ELP4: variants seen among roughly 807,000 people sequenced by gnomAD.
ELP4 encodes elongator acetyltransferase complex subunit 4.
A neutral mutation model predicts 48.9 loss-of-function variants in ELP4; 51 were observed. The observed-to-expected ratio is 1.04, with a 90% CI of 0.83 to 1.32. The LOEUF is 1.32. Among genes scored for constraint, ELP4 ranks in the 40% most tolerant of loss-of-function variants. The pLI is 0.00. For missense variants in ELP4, 519 were observed against 514.6 expected, an observed-to-expected ratio of 1.01 and a Z score of -0.08; for synonymous variants, 210 against 189.2, an observed-to-expected ratio of 1.11 and a Z score of -0.90.
chr11:31,694,357 G>A (rs60181751), intron 9 of ELP4, among the ~76,000 whole-genome samples: 4,323 of 152,162 alleles, frequency 0.028, 206 homozygotes, highest in African/African-American at 0.099. Context: ...TAAGGAAGGG[G>A]TCCAGTTTCA....
At chr11:31,717,292 G>A (rs1471753616) in intron 9 of ELP4, among the ~76,000 whole-genome samples, 2 of 152,062 alleles carry the variant, frequency 1.3e-5, no homozygotes, top group African/African-American at 2.4e-5. Flanking sequence ...GCAACAAACC[G>A]CAGTCACATT....
chr11:31,520,931 C>T (rs1284393477), intron 2 of ELP4, among the ~76,000 whole-genome samples: 1 of 151,968 alleles, frequency 6.6e-6, no homozygotes, highest in Admixed American at 6.6e-5. Flanking sequence ...GACCTAAATA[C>T]AGTATTCCAA....
At chr11:31,567,133 A>T (rs540189647) in intron 3 of ELP4, among the ~76,000 whole-genome samples, 1 of 151,768 alleles carries the variant, frequency 6.6e-6, no homozygotes, top group African/African-American at 2.4e-5. Context: ...GGGTTTCTCC[A>T]TGTTGGTCAG....
At position 31,603,808 on chromosome 11, in the gene ELP4, A is replaced by G; in HGVS notation, c.554A>G (p.Asp185Gly). The G allele has an allele frequency of 6.2e-7, 1 of 1,611,384 alleles. No homozygotes were observed. Residue 185 changes from aspartate (D) to glycine (G), a missense_variant, in exon 5 of 10, where the codon GAT (aspartate) becomes GGT (glycine). Physicochemically the swap from Asp to Gly is moderately conservative, Grantham distance 94. Transcript: ENST00000640961. ...VSSSRFGHYY[D>G]ASKRMPQELI... The stretch of plus-strand genomic sequence containing the variant: ...TCTTCAAGATTTGGTCACTATTATG[A>G]TGCATCAAAAAGAATGCCACAAGAA...
In ELP4 at chr11:31,790,296, AC is replaced by A; in HGVS notation, c.*6773del. 5.0e-6 allele frequency: 3 copies of A among 605,554 alleles called. No homozygotes were observed. Among genetic ancestry groups the A allele is most frequent in the Non-Finnish European group, 7.5e-6 (3 of 398,378 alleles). 37.5% of individuals were successfully genotyped at this position (605,554 alleles called of 1,614,324 possible). Reference sequence around the variant, plus strand: ...TCCTCTGTTTGTTTGCATGTTTGGAACTTTTACAATAAAGCTGTCTCTGGAA... The same window carrying A: ...TCCTCTGTTTGTTTGCATGTTTGGAATTTTACAATAAAGCTGTCTCTGGAA... On this transcript the variant is annotated 3_prime_UTR_variant, in exon 10 of 10. Transcript: ENST00000640961.
chr11:31,571,006 G>A (rs868206873), intron 3 of ELP4, among the ~76,000 whole-genome samples: 1 of 151,550 alleles, frequency 6.6e-6, no homozygotes, highest in South Asian at 2.1e-4. Flanking sequence ...CACCATATTG[G>A]CCAGGCTGGT....
chr11:31,654,391 T>A (rs1198437969), intron 9 of ELP4: 1 of 151,816 alleles, frequency 6.6e-6, no homozygotes, highest in African/African-American at 2.4e-5. Flanking sequence ...TGTCTTATCA[T>A]ACTTTGTCCC....
chr11:31,591,904 A>G (rs903321370), intron 3 of ELP4, among the ~76,000 whole-genome samples: 1 of 152,244 alleles, frequency 6.6e-6, no homozygotes, highest in Non-Finnish European at 1.5e-5. Flanking sequence ...TACAATGAAT[A>G]GTATTCGACC....
intron 1 of ELP4, 44 bp downstream of exon 1, chr11:31,510,051 A>AG: frequency 6.3e-7 from 1 of 1,576,886 alleles, no homozygotes; most frequent in Non-Finnish European, 8.6e-7. Context: ...GGGGAAACTT[A>AG]GGGAGGGGAC....
In ELP4 at chr11:31,575,038, T is replaced by C. The variant is rs568687892; in HGVS notation, c.382-19732T>C. 6.6e-5 allele frequency among the ~76,000 whole-genome samples: 10 copies of C among 152,202 alleles called. No individual in the cohort carries two copies. The East Asian group carries it at 1.9e-3, about 29-fold the overall frequency. On this transcript the variant is annotated intron_variant, in intron 3 of 9. Coordinates refer to ENST00000640961, the MANE Select transcript of ELP4 (RefSeq NM_019040.5). ...ACCCATCACAAAGAAGCTAAAAACCTTGAAAAAAGATTAGACGAATGGCTA... is the reference window on the plus strand; with the variant it reads ...ACCCATCACAAAGAAGCTAAAAACCCTGAAAAAAGATTAGACGAATGGCTA...
At chr11:31,575,358 A>G (rs1007128561) in intron 3 of ELP4, among the ~76,000 whole-genome samples, 2 of 152,218 alleles carry the variant, frequency 1.3e-5, no homozygotes, top group African/African-American at 4.8e-5. Context: ...CAAGTTGGAA[A>G]ACACTCTGCA....
chr11:31,771,068 T>G (rs1444146315), intron 9 of ELP4, among the ~76,000 whole-genome samples: 7 of 152,174 alleles, frequency 4.6e-5, no homozygotes, highest in Admixed American at 3.9e-4. Flanking sequence ...AGAATTAAAC[T>G]CAGCAAACCA....
intron 2 of ELP4, among the ~76,000 whole-genome samples, chr11:31,534,451 A>G (rs1311953867): frequency 1.3e-5 from 2 of 152,178 alleles, no homozygotes; most frequent in East Asian, 3.9e-4. Flanking sequence ...TTTAGTACCA[A>G]TAAAACCCTA....
rs989010933 is a variant in ELP4 at position 31,790,281 on chromosome 11, G to GA, written c.*6757_*6758insA. Reference sequence around the variant, plus strand: ...AAAAGAAAAAAAAAATCCTCTGTTTGTTTGCATGTTTGGAACTTTTACAAT... The same window carrying GA: ...AAAAGAAAAAAAAAATCCTCTGTTTGATTTGCATGTTTGGAACTTTTACAAT... On this transcript the variant is annotated 3_prime_UTR_variant, in exon 10 of 10. Coordinates refer to ENST00000640961, the MANE Select transcript of ELP4 (RefSeq NM_019040.5). The GA allele has an allele frequency of 1.8e-6, 1 of 555,068 alleles. No individual in the cohort carries two copies. Among genetic ancestry groups the GA allele is most frequent in the Admixed American group, 3.9e-5 (1 of 25,344 alleles). The allele number at this position is 555,068 out of a possible 1,614,324, so 34.4% of individuals were successfully genotyped here. A position where few individuals can be genotyped will look rare whatever the true frequency, so the allele number is the denominator to read the frequency against.
chr11:31,527,902 T>C (rs935026450), intron 2 of ELP4, among the ~76,000 whole-genome samples: 5 of 152,096 alleles, frequency 3.3e-5, no homozygotes, highest in African/African-American at 1.2e-4. Flanking sequence ...TTCTCTCTTC[T>C]CATCCTCTCA....
At chr11:31,764,900 A>T (rs1008160237) in intron 9 of ELP4, among the ~76,000 whole-genome samples, 2 of 152,184 alleles carry the variant, frequency 1.3e-5, no homozygotes, top group Non-Finnish European at 2.9e-5. Context: ...AATCATGTGT[A>T]TTATTCAACG....
At chr11:31,698,736 C>G (rs570069683) in intron 9 of ELP4, among the ~76,000 whole-genome samples, 1 of 152,114 alleles carries the variant, frequency 6.6e-6, no homozygotes, top group Admixed American at 6.6e-5. Context: ...TATATTTTTC[C>G]TATATTTCTA....
At chr11:31,557,941 C>T (rs1956955540) in intron 3 of ELP4, among the ~76,000 whole-genome samples, 1 of 151,982 alleles carries the variant, frequency 6.6e-6, no homozygotes, top group African/African-American at 2.4e-5. Context: ...TATTTTAGCA[C>T]TATATATCTT....
At chr11:31,665,012 T>C (rs1289529293) in intron 9 of ELP4, among the ~76,000 whole-genome samples, 1 of 152,180 alleles carries the variant, frequency 6.6e-6, no homozygotes, top group Non-Finnish European at 1.5e-5. Flanking sequence ...CTTTGATTCA[T>C]CTTTTATGCT....
Sources: gnomAD v4.1 joint callset for allele counts (sites outside exome capture counted in the v4.1 genomes callset) on GRCh38, gnomAD v4.1.1 for gene constraint, MANE v1.5 for transcripts, NCBI Gene and HGNC (gene_info 2026-07-23, HGNC 2026-07-21) for gene names.